The following DMD variants were observed in gnomAD, a reference collection of about 807,000 sequenced individuals.
DMD encodes the protein dystrophin.
A neutral mutation model predicts 330.1 loss-of-function variants in DMD; 63 were observed. The observed-to-expected ratio is 0.19, with a 90% CI of 0.16 to 0.24. The LOEUF is 0.24. Among genes scored for constraint, DMD ranks in the 10% least tolerant of loss-of-function variants. The probability of loss-of-function intolerance (pLI) is 1.00; values close to 1 mark genes in which losing one functional copy is unlikely to be tolerated. For missense variants in DMD, 3,344 were observed against 2,684.1 expected, an observed-to-expected ratio of 1.25 and a Z score of -5.43; for synonymous variants, 1,223 against 959.8, an observed-to-expected ratio of 1.27 and a Z score of -5.07.
intron 12 of DMD, among the ~76,000 whole-genome samples, chrX:32,603,274 C>A (rs976669964): frequency 1.9e-4 from 21 of 111,005 alleles, no homozygotes; most frequent in Non-Finnish European, 4.0e-4. Flanking sequence ...GATCTTTGGA[C>A]AATGAAATCA....
intron 16 of DMD, among the ~76,000 whole-genome samples, chrX:32,562,107 A>T (rs2051084544): frequency 8.9e-6 from 1 of 112,268 alleles, no homozygotes; most frequent in African/African-American, 3.2e-5. Flanking sequence ...ATAAAAAATT[A>T]CAGGGAATCA....
At chrX:32,286,097 C>G (rs1351376372) in intron 43 of DMD, among the ~76,000 whole-genome samples, 1 of 110,896 alleles carries the variant, frequency 9.0e-6, no homozygotes, top group Non-Finnish European at 1.9e-5. Context: ...TGAACACCCA[C>G]TTTGTGCTCA....
At chrX:32,071,006 A>G (rs1284196546) in intron 44 of DMD, among the ~76,000 whole-genome samples, 4 of 111,390 alleles carry the variant, frequency 3.6e-5, no homozygotes, top group Non-Finnish European at 7.5e-5. Flanking sequence ...ATCCTTTTTT[A>G]TGGCTGCACA....
At chrX:32,066,425 G>A (rs1003025716) in intron 44 of DMD, among the ~76,000 whole-genome samples, 1 of 111,390 alleles carries the variant, frequency 9.0e-6, no homozygotes. Context: ...AGTCAGCTTG[G>A]AACCTCTTGC....
At chrX:32,335,925 TATATA>T (rs2097709894) in intron 41 of DMD, among the ~76,000 whole-genome samples, 1 of 106,877 alleles carries the variant, frequency 9.4e-6, no homozygotes, top group Non-Finnish European at 1.9e-5. Context: ...ATATGTATGT[TATATA>T]TAACGTGTAT....
intron 55 of DMD, among the ~76,000 whole-genome samples, chrX:31,530,078 C>T (rs894462845): frequency 1.8e-5 from 2 of 111,106 alleles, no homozygotes; most frequent in Non-Finnish European, 3.8e-5. Flanking sequence ...GATTCATTCC[C>T]CCTGTATTTC....
chrX:32,485,554 T>C (rs2042342187), intron 20 of DMD, among the ~76,000 whole-genome samples: 2 of 109,283 alleles, frequency 1.8e-5, no homozygotes, highest in South Asian at 7.7e-4. Context: ...CATATATGTA[T>C]ATGTGTATAC....
intron 43 of DMD, among the ~76,000 whole-genome samples, chrX:32,281,588 T>C (rs1353759259): frequency 9.0e-6 from 1 of 111,631 alleles, no homozygotes; most frequent in Non-Finnish European, 1.9e-5. Context: ...CAGCCCTTGT[T>C]AATCACAACT....
At chrX:33,234,452 C>T (rs144084651) in intron 1 of DMD, among the ~76,000 whole-genome samples, 4,487 of 109,997 alleles carry the variant, frequency 0.041, 205 homozygotes, top group African/African-American at 0.14. Context: ...CTCAGTTTCC[C>T]CAATTGTTAA....
At chrX:32,886,913 C>G (rs900879901) in intron 2 of DMD, among the ~76,000 whole-genome samples, 2 of 111,836 alleles carry the variant, frequency 1.8e-5, no homozygotes, top group African/African-American at 6.5e-5. Flanking sequence ...ACGATCACAT[C>G]TAAATAAATA....
At chrX:32,072,896 G>A (rs773619256) in intron 44 of DMD, among the ~76,000 whole-genome samples, 2 of 110,975 alleles carry the variant, frequency 1.8e-5, no homozygotes, top group Non-Finnish European at 3.8e-5. Context: ...TTTAATACTC[G>A]GCAAAGGACA....
At chrX:33,013,365 C>T (rs935434423) in intron 2 of DMD, among the ~76,000 whole-genome samples, 1 of 111,312 alleles carries the variant, frequency 9.0e-6, no homozygotes, top group Non-Finnish European at 1.9e-5. Flanking sequence ...CGAGGATTTC[C>T]GTAAGTTTCC....
intron 18 of DMD, among the ~76,000 whole-genome samples, chrX:32,508,941 G>A (rs1481845039): frequency 9.1e-6 from 1 of 110,089 alleles, no homozygotes. Flanking sequence ...CTCCTGAGTA[G>A]CTGGGACTAC....
chrX:32,159,754 G>A lies in DMD; in HGVS notation c.6438+57162C>T, dbSNP rs192731089. ...CAAAAGCTCAAAATGGGGAAAGAGCGAGAGAGAAACTAAGGGTCTAAACAG... is the reference window on the plus strand; with the variant it reads ...CAAAAGCTCAAAATGGGGAAAGAGCAAGAGAGAAACTAAGGGTCTAAACAG... On this transcript the variant is annotated intron_variant, in intron 44 of 78. Transcript: ENST00000357033. 3.0e-3 allele frequency among the ~76,000 whole-genome samples: 340 copies of A among 111,888 alleles called. 1 individual carries two copies. The highest frequency in any genetic ancestry group is 5.4e-3 in the Non-Finnish European group (286 of 53,245).
At chrX:31,801,361 T>A (rs1338048221) in intron 50 of DMD, among the ~76,000 whole-genome samples, 1 of 111,095 alleles carries the variant, frequency 9.0e-6, no homozygotes, top group East Asian at 2.8e-4. Flanking sequence ...ATTCAATTAC[T>A]TCCCCCTGGG....
intron 44 of DMD, among the ~76,000 whole-genome samples, chrX:32,004,143 C>A (rs1366961142): frequency 9.0e-6 from 1 of 111,290 alleles, no homozygotes; most frequent in African/African-American, 3.3e-5. Flanking sequence ...TTTAAGGTCA[C>A]ACACCTAGTT....
At chrX:32,430,681 A>G (rs781598831) in intron 29 of DMD, among the ~76,000 whole-genome samples, 14 of 111,635 alleles carry the variant, frequency 1.3e-4, no homozygotes, top group Admixed American at 3.8e-4. Flanking sequence ...TAACCTAAAC[A>G]TTGTACCCTT....
chrX:31,512,916 C>T (rs12851481), intron 55 of DMD, among the ~76,000 whole-genome samples: 10 of 108,323 alleles, frequency 9.2e-5, no homozygotes, highest in African/African-American at 3.1e-4. Context: ...ATCTGTAAAT[C>T]ACCTTGGGCA....
chrX:31,749,351 T>A (rs1233841943), intron 51 of DMD, among the ~76,000 whole-genome samples: 13 of 92,521 alleles, frequency 1.4e-4, no homozygotes, highest in East Asian at 1.1e-3. Flanking sequence ...TGTCCATGTG[T>A]TCTCATTGTT....
Sources: gnomAD v4.1 joint callset for allele counts (sites outside exome capture counted in the v4.1 genomes callset) on GRCh38, gnomAD v4.1.1 for gene constraint, MANE v1.5 for transcripts, NCBI Gene and HGNC (gene_info 2026-07-23, HGNC 2026-07-21) for gene names.